Variants in NBEAL1 observed in about 807,000 individuals in gnomAD.
NBEAL1 encodes the protein neurobeachin-like protein 1.
Under a neutral mutation model 351.3 loss-of-function variants are expected in NBEAL1, and 273 were observed. That is an observed-to-expected ratio of 0.78 (90% CI 0.70 to 0.86). NBEAL1 has a LOEUF of 0.86. Ranked by LOEUF, NBEAL1 falls within the 40% of genes least tolerant of loss-of-function variation. NBEAL1 has a pLI of 0.00. For missense variants in NBEAL1, 2,961 were observed against 3,201.3 expected (o/e 0.92, Z 1.81); for synonymous variants, 1,050 against 1,086.4 (o/e 0.97, Z 0.66).
chr2:203,169,962 C>A, intron 39 of NBEAL1, 111 bp downstream of exon 39: 1 of 683,810 alleles, frequency 1.5e-6, no homozygotes, highest in Non-Finnish European at 2.5e-6. Context: ...TCCATTCAGA[C>A]TGATCTTTTG....
intron 6 of NBEAL1, chr2:203,061,317 C>G (rs1030596854): frequency 6.6e-6 from 1 of 152,186 alleles, no homozygotes; most frequent in Non-Finnish European, 1.5e-5. Flanking sequence ...ATATTCCTCA[C>G]AATCCCACTA....
chr2:203,167,156 A>G (rs1340599631), intron 37 of NBEAL1, 71 bp from the exon 38 acceptor site: 1 of 1,406,304 alleles, frequency 7.1e-7, no homozygotes, highest in Non-Finnish European at 9.6e-7. Flanking sequence ...GTCAAGAACT[A>G]AGAGGTATTT....
chr2:203,172,825 G>GA lies in NBEAL1; in HGVS notation c.6302dup (p.Asn2101LysfsTer10). ...TTCCAAACCAATTGGGGTAGTTAAT[G>GA]AAAAAAACGCCAAAGCTATGAGAGA... On this transcript the variant is annotated frameshift_variant, in exon 41 of 56. Transcript: ENST00000683969. LOFTEE classifies it high-confidence loss of function. 4 of 1,608,070 alleles carry GA rather than the reference G, an allele frequency of 2.5e-6. No homozygotes were observed. Among genetic ancestry groups the GA allele is most frequent in the Non-Finnish European group, 1.7e-6 (2 of 1,177,102 alleles).
intron 52 of NBEAL1, 47 bp from the exon 53 acceptor site, chr2:203,209,114 G>T (rs369842755): frequency 1.6e-5 from 24 of 1,478,548 alleles, no homozygotes; most frequent in African/African-American, 1.1e-4. Context: ...CTTTTTTGCT[G>T]TTCTTTTCCT....
intron 33 of NBEAL1, among the ~76,000 whole-genome samples, chr2:203,145,564 G>A (rs1277848886): frequency 2.6e-5 from 4 of 152,092 alleles, no homozygotes; most frequent in African/African-American, 4.8e-5. Context: ...TTGGGAGGCC[G>A]AGGTGGATGG....
chr2:203,184,631 C>T (rs536507283), intron 44 of NBEAL1, among the ~76,000 whole-genome samples: 2 of 151,676 alleles, frequency 1.3e-5, no homozygotes. Flanking sequence ...ATAATTAAGC[C>T]AGTACTTGGA....
chr2:203,158,003 G>T (rs535934231), intron 36 of NBEAL1, among the ~76,000 whole-genome samples, 178 bp downstream of exon 36: 1 of 152,144 alleles, frequency 6.6e-6, no homozygotes, highest in Non-Finnish European at 1.5e-5. Flanking sequence ...CTTAGAACTG[G>T]GATAACATGG....
At chr2:203,048,897 T>A (rs1184571997) in intron 3 of NBEAL1, among the ~76,000 whole-genome samples, 1 of 145,522 alleles carries the variant, frequency 6.9e-6, no homozygotes, top group Non-Finnish European at 1.5e-5. Flanking sequence ...TTTTTTTTTT[T>A]AATACCCTTT....
chr2:203,021,950 C>T (rs1003894747), intron 2 of NBEAL1, among the ~76,000 whole-genome samples: 4 of 151,582 alleles, frequency 2.6e-5, no homozygotes, highest in Admixed American at 1.3e-4. Flanking sequence ...ACTCGGGAGG[C>T]TGAGGCAGGA....
chr2:203,164,572 G>T (rs62182215), intron 36 of NBEAL1, among the ~76,000 whole-genome samples: 88,803 of 151,786 alleles, frequency 0.59, 27,317 homozygotes, highest in Middle Eastern at 0.78. Flanking sequence ...GGTTACTCAT[G>T]GCTCTATTTA....
Position 203,112,059 on chromosome 2 carries a change from G to T in NBEAL1, c.2163G>T (p.Gln721His), listed in dbSNP as rs1382856454. 6.4e-7 allele frequency: 1 copy of T among 1,552,578 alleles called. No individual in the cohort carries two copies. Among genetic ancestry groups the T allele is most frequent in the Admixed American group, 2.0e-5 (1 of 50,896 alleles). The part of the protein sequence containing the change: ...SFVYIYDNGQ[Q>H]KVSAPLRFPA... ...TCTATATCTATGACAATGGACAACA[G>T]AAGGTTTCTGCCCCTCTCAGATTTC... The change falls in exon 16 of 56, where the codon CAG (glutamine) becomes CAT (histidine). Residue 721 changes from glutamine to histidine, a missense_variant. Coordinates refer to ENST00000683969, the MANE Select transcript of NBEAL1 (RefSeq NM_001378026.1).
chr2:203,164,270 A>C (rs1195132101), intron 36 of NBEAL1, among the ~76,000 whole-genome samples: 3 of 151,938 alleles, frequency 2.0e-5, no homozygotes, highest in African/African-American at 7.2e-5. Context: ...TATATATTAC[A>C]AATTGACTAG....
intron 17 of NBEAL1, 53 bp from the exon 18 acceptor site, chr2:203,115,932 C>T: frequency 8.3e-7 from 1 of 1,198,774 alleles, no homozygotes; most frequent in Admixed American, 2.0e-5. Flanking sequence ...AACACAGAAC[C>T]AAGGAGACCA....
chr2:203,074,246 A>C (rs2061730043), intron 7 of NBEAL1, among the ~76,000 whole-genome samples: 1 of 151,936 alleles, frequency 6.6e-6, no homozygotes, highest in South Asian at 2.1e-4. Context: ...GATTACATTA[A>C]TAAAATGAAA....
At chr2:203,147,388 CAG>C (rs2063539626) in intron 33 of NBEAL1, among the ~76,000 whole-genome samples, 1 of 151,974 alleles carries the variant, frequency 6.6e-6, no homozygotes. Context: ...GAATGGGAAA[CAG>C]ATTTTCTAAA....
rs553330181 is a variant in NBEAL1, at chr2:203,034,465, T to C, written c.52-7300T>C. 2.1e-5 allele frequency among the ~76,000 whole-genome samples: 3 copies of C among 145,066 alleles called. No individual in the cohort carries two copies. The Admixed American group carries it at 2.1e-4, about 10-fold the overall frequency. Reference sequence around the variant, plus strand: ...AGTCACCACACCCGGCCATTTTTTTTTTTTTTTTTTGAGATGGAGTTTCAC... The same window carrying C: ...AGTCACCACACCCGGCCATTTTTTTCTTTTTTTTTTGAGATGGAGTTTCAC... On this transcript the variant is annotated intron_variant, in intron 2 of 55. Transcript: ENST00000683969.
chr2:203,134,942 G>C (rs1177883823), intron 27 of NBEAL1, among the ~76,000 whole-genome samples: 1 of 152,086 alleles, frequency 6.6e-6, no homozygotes, highest in Non-Finnish European at 1.5e-5. Flanking sequence ...TTGGGAAGCC[G>C]AGGCAGGCAG....
In NBEAL1 at chr2:203,032,660, CTTTTTT is replaced by C. The variant is rs747309074; in HGVS notation, c.52-9085_52-9080del. On this transcript the variant is annotated intron_variant, in intron 2 of 55. Coordinates refer to ENST00000683969, the MANE Select transcript of NBEAL1 (RefSeq NM_001378026.1). The stretch of plus-strand genomic sequence containing the variant: ...AAAGAAAGAGTGAAGGAAATTGTAG[CTTTTTT>C]TTTTTTTTTTTTTTTTTTTAGACAG... Among the ~76,000 whole-genome samples the C allele has an allele frequency of 4.9e-3, 342 of 70,168 alleles. 3 individuals carry two copies. Among genetic ancestry groups the C allele is most frequent in the African/African-American group, 0.018 (328 of 17,822 alleles). 46.0% of individuals were successfully genotyped at this position (70,168 alleles called of 152,430 possible).
rs537541367 is a variant in NBEAL1 at position 203,041,902 on chromosome 2, T to C, written c.143+46T>C. On this transcript the variant is annotated intron_variant, in intron 3 of 55. Coordinates refer to ENST00000683969, the MANE Select transcript of NBEAL1 (RefSeq NM_001378026.1). Reference sequence around the variant, plus strand: ...GTAACCCCTGGATGAGTTTTTCATTTTTGGCACAAAGATTTCATTGATGAC... The same window carrying C: ...GTAACCCCTGGATGAGTTTTTCATTCTTGGCACAAAGATTTCATTGATGAC... 2.6e-5 allele frequency: 33 copies of C among 1,290,738 alleles called. No individual in the cohort carries two copies. The East Asian group carries it at 7.8e-4, about 31-fold the overall frequency. The allele number at this position is 1,290,738 out of a possible 1,614,324, so 80.0% of individuals were successfully genotyped here.
Sources: allele counts gnomAD v4.1 joint callset (sites outside exome capture counted in the v4.1 genomes callset), GRCh38; gene constraint gnomAD v4.1.1; transcripts MANE v1.5; gene names NCBI Gene and HGNC (gene_info 2026-07-23, HGNC 2026-07-21).